SGPP2: variants seen among roughly 807,000 people sequenced by gnomAD.
SGPP2 encodes the protein sphingosine-1-phosphate phosphatase 2.
In SGPP2, 30 loss-of-function variants were observed where a neutral mutation model predicts 33.9. That is an observed-to-expected ratio of 0.89 (90% CI 0.66 to 1.20). The LOEUF (loss-of-function observed/expected upper bound fraction) is 1.20, where lower values mean the gene tolerates loss of function less well. Ranked by LOEUF, SGPP2 falls within the 50% of genes most tolerant of loss-of-function variation. SGPP2 has a pLI of 0.00. For missense variants in SGPP2, 458 were observed against 532.1 expected (o/e 0.86, Z 1.37); for synonymous variants, 233 against 225.0 (o/e 1.04, Z -0.32).
chr2:222,557,102 G>A (rs1410069238), intron 4 of SGPP2, among the ~76,000 whole-genome samples: 1 of 152,164 alleles, frequency 6.6e-6, no homozygotes, highest in Non-Finnish European at 1.5e-5. Flanking sequence ...TTGGACTTTA[G>A]GGCCCTGTGT....
chr2:222,516,604 T>C (rs2106129400), intron 2 of SGPP2, among the ~76,000 whole-genome samples: 1 of 152,312 alleles, frequency 6.6e-6, no homozygotes, highest in African/African-American at 2.4e-5. Flanking sequence ...AAGAAACTTA[T>C]CATATAAGTA....
intron 1 of SGPP2, among the ~76,000 whole-genome samples, chr2:222,461,486 T>C (rs1697659566): frequency 6.6e-6 from 1 of 152,096 alleles, no homozygotes; most frequent in Non-Finnish European, 1.5e-5. Context: ...GCCTTTATTG[T>C]GCACTTTATT....
intron 1 of SGPP2, among the ~76,000 whole-genome samples, chr2:222,448,085 G>T (rs1408592999): frequency 1.3e-5 from 2 of 152,170 alleles, no homozygotes; most frequent in African/African-American, 2.4e-5. Flanking sequence ...TATGATCTAG[G>T]TTGGACTCCG....
rs1318674388 is a variant in SGPP2 at position 222,511,838 on chromosome 2, C to T, written c.379-9929C>T. Among the ~76,000 whole-genome samples the T allele has an allele frequency of 4.6e-5, 7 of 151,944 alleles. No homozygotes were observed. The East Asian group carries it at 9.7e-4, about 21-fold the overall frequency. ...GACTACAGGTGTTCCCCACCACACC[C>T]GGAAAGTTTTTGTATTTTTTTGTAG... On this transcript the variant is annotated intron_variant, in intron 2 of 4. Coordinates refer to ENST00000321276, the MANE Select transcript of SGPP2 (RefSeq NM_152386.4).
Position 222,460,373 on chromosome 2 carries a change from G to A in SGPP2, c.220-14195G>A, listed in dbSNP as rs1559149831. On this transcript the variant is annotated intron_variant, in intron 1 of 4. Coordinates refer to ENST00000321276, the MANE Select transcript of SGPP2 (RefSeq NM_152386.4). The surrounding 1 kb of genome is among the most constrained non-coding windows in gnomAD (Gnocchi z 4.3). ...AGGGAGGCTCCAGTGGGGCTGCTGGGCTGTGGATGGCAGAGGCTGGGTTGT... is the reference window on the plus strand; with the variant it reads ...AGGGAGGCTCCAGTGGGGCTGCTGGACTGTGGATGGCAGAGGCTGGGTTGT... Among the ~76,000 whole-genome samples, 1 of 152,194 alleles carries A rather than the reference G, an allele frequency of 6.6e-6. No homozygotes were observed. Among genetic ancestry groups the A allele is most frequent in the African/African-American group, 2.4e-5 (1 of 41,444 alleles).
intron 1 of SGPP2, among the ~76,000 whole-genome samples, chr2:222,442,460 A>G (rs956281755): frequency 6.6e-6 from 1 of 152,212 alleles, no homozygotes; most frequent in Non-Finnish European, 1.5e-5. Context: ...GGTGTGTTTT[A>G]AAAGTATCTT....
chr2:222,558,798 T>C lies in SGPP2; in HGVS notation c.1100T>C (p.Leu367Pro). The change falls in exon 5 of 5, where the codon CTG (leucine) becomes CCG (proline). Residue 367 changes from leucine to proline, a missense_variant. By Grantham distance (98) the Leu-to-Pro change is moderately conservative. Coordinates refer to ENST00000321276, the MANE Select transcript of SGPP2 (RefSeq NM_152386.4). ...AGGAACAAGGAGGCCAGGCGGAGAC[T>C]GGAGATTGAAGTGCCTTACAAGTTT... is the stretch of plus-strand genomic sequence containing the variant. ...VTRNKEARRR[L>P]EIEVPYKFVT... 6.2e-7 allele frequency: 1 copy of C among 1,614,190 alleles called. No individual in the cohort carries two copies.
chr2:222,500,622 A>T (rs1387578896), intron 2 of SGPP2, among the ~76,000 whole-genome samples: 1 of 152,186 alleles, frequency 6.6e-6, no homozygotes, highest in Admixed American at 6.5e-5. Context: ...GAAAAAATGG[A>T]AGAGTCCATT....
At position 222,470,257 on chromosome 2, in the gene SGPP2, A is replaced by C. The variant is rs575027206; in HGVS notation, c.220-4311A>C. Among the ~76,000 whole-genome samples the C allele has an allele frequency of 1.2e-4, 19 of 152,332 alleles. No individual in the cohort carries two copies. The South Asian group carries it at 3.7e-3, about 30-fold the overall frequency. ...TGTAACAAACCTGCACGATCTGCAC[A>C]TGTATCTCAGAATTTAAAGTGAAAT... is the stretch of plus-strand genomic sequence containing the variant. On this transcript the variant is annotated intron_variant, in intron 1 of 4. Transcript: ENST00000321276.
intron 2 of SGPP2, among the ~76,000 whole-genome samples, chr2:222,518,160 T>G (rs1698633851): frequency 6.6e-6 from 1 of 152,202 alleles, no homozygotes; most frequent in South Asian, 2.1e-4. Flanking sequence ...TTCTCCTGTT[T>G]AAAGAGAGCT....
chr2:222,449,133 C>T (rs1203911570), intron 1 of SGPP2, among the ~76,000 whole-genome samples: 1 of 152,190 alleles, frequency 6.6e-6, no homozygotes, highest in African/African-American at 2.4e-5. Flanking sequence ...ATGCTGCCTT[C>T]CCACTGTGCG....
chr2:222,471,005 G>A (rs925074965), intron 1 of SGPP2, among the ~76,000 whole-genome samples: 3 of 152,186 alleles, frequency 2.0e-5, no homozygotes, highest in Admixed American at 1.3e-4. Flanking sequence ...TGGTATCTTA[G>A]CAGAGAGGTG....
chr2:222,429,289 C>G (rs1451298085), intron 1 of SGPP2, among the ~76,000 whole-genome samples: 1 of 152,180 alleles, frequency 6.6e-6, no homozygotes, highest in African/African-American at 2.4e-5. Flanking sequence ...ACCCACCACC[C>G]TTAGTATATT....
intron 1 of SGPP2, among the ~76,000 whole-genome samples, chr2:222,462,465 C>T (rs1378017909): frequency 6.6e-6 from 1 of 152,116 alleles, no homozygotes; most frequent in Non-Finnish European, 1.5e-5. Context: ...GCTGTTGGAT[C>T]TGCTGTGAGA....
chr2:222,448,373 G>A (rs1177607328), intron 1 of SGPP2, among the ~76,000 whole-genome samples: 3 of 152,202 alleles, frequency 2.0e-5, no homozygotes, highest in African/African-American at 7.2e-5. Flanking sequence ...ACCAGCACCT[G>A]CTTTGTGTGC....
chr2:222,458,429 C>T (rs1697604929), intron 1 of SGPP2, among the ~76,000 whole-genome samples: 1 of 152,096 alleles, frequency 6.6e-6, no homozygotes, highest in African/African-American at 2.4e-5. Flanking sequence ...GACAGCAGAG[C>T]AGTTACTTAT....
At chr2:222,495,703 T>C (rs1364699272) in intron 2 of SGPP2, among the ~76,000 whole-genome samples, 1 of 152,154 alleles carries the variant, frequency 6.6e-6, no homozygotes, top group Non-Finnish European at 1.5e-5. Flanking sequence ...GCCTCCCTTG[T>C]TTATTAGTGA....
At chr2:222,474,247 G>A (rs1031783411) in intron 1 of SGPP2, among the ~76,000 whole-genome samples, 1 of 152,172 alleles carries the variant, frequency 6.6e-6, no homozygotes. Context: ...CCCATATAAT[G>A]TCCTAACAGA....
At position 222,452,630 on chromosome 2, in the gene SGPP2, C is replaced by T. The variant is rs1216286944; in HGVS notation, c.220-21938C>T. Reference sequence around the variant, plus strand: ...CCTGATTGTTCCAGAACTGGGTGCACCAGGTCTGAGTGTTCCAGGAGTAGT... The same window carrying T: ...CCTGATTGTTCCAGAACTGGGTGCATCAGGTCTGAGTGTTCCAGGAGTAGT... On this transcript the variant is annotated intron_variant, in intron 1 of 4. Coordinates refer to ENST00000321276, the MANE Select transcript of SGPP2 (RefSeq NM_152386.4). The T allele has an allele frequency of 2.9e-6, 4 of 1,368,928 alleles. No homozygotes were observed. The African/African-American group carries it at 4.3e-5, about 15-fold the overall frequency. The allele number at this position is 1,368,928 out of a possible 1,614,324, so 84.8% of individuals were successfully genotyped here.
Sources: allele counts gnomAD v4.1 joint callset (sites outside exome capture counted in the v4.1 genomes callset), GRCh38; gene constraint gnomAD v4.1.1; non-coding constraint Gnocchi (gnomAD v3.1); transcripts MANE v1.5; gene names NCBI Gene and HGNC (gene_info 2026-07-23, HGNC 2026-07-21).